The following PTPRK variants were observed in gnomAD, a reference collection of about 807,000 sequenced individuals.
PTPRK encodes receptor-type tyrosine-protein phosphatase kappa.
PTPRK carries 75 observed loss-of-function variants against 178.0 expected under a neutral mutation model. The ratio of observed to expected loss-of-function variants is 0.42; its 90% CI spans 0.35 to 0.51. PTPRK has a LOEUF of 0.51. Ranked by LOEUF, PTPRK falls within the 20% of genes least tolerant of loss-of-function variation. The pLI is 0.02. For synonymous variants in PTPRK, 637 were observed against 620.6 expected, an observed-to-expected ratio of 1.03 and a Z score of -0.39; for missense variants, 1,441 against 1,797.8, an observed-to-expected ratio of 0.80 and a Z score of 3.59.
At chr6:128,173,849 T>G (rs773458810) in intron 7 of PTPRK, among the ~76,000 whole-genome samples, 34 of 152,054 alleles carry the variant, frequency 2.2e-4, no homozygotes, top group Non-Finnish European at 3.8e-4. Flanking sequence ...CTTTCAGTCC[T>G]TTTCTTAAAC....
At chr6:128,014,950 G>C (rs528593543) in intron 13 of PTPRK, among the ~76,000 whole-genome samples, 36 of 151,808 alleles carry the variant, frequency 2.4e-4, no homozygotes, top group Admixed American at 2.1e-3. Context: ...TGCTTTAACA[G>C]TAGTTGGAAA....
At position 127,969,786 on chromosome 6, in the gene PTPRK, G is replaced by A. The variant is rs894215469; in HGVS notation, c.*441C>T. Reference sequence around the variant, plus strand: ...GCTACACTGGAAACATATAAAAAACGAACTTTACTATGAATTTGCACAGCT... The same window carrying A: ...GCTACACTGGAAACATATAAAAAACAAACTTTACTATGAATTTGCACAGCT... On this transcript the variant is annotated 3_prime_UTR_variant, in exon 30 of 30. Transcript: ENST00000368226. 1 of 151,960 alleles carries A rather than the reference G, an allele frequency of 6.6e-6. No individual in the cohort carries two copies. Among genetic ancestry groups the A allele is most frequent in the Non-Finnish European group, 1.5e-5 (1 of 68,042 alleles). The allele number at this position is 151,960 out of a possible 1,614,324, so 9.4% of individuals were successfully genotyped here. A position where few individuals can be genotyped will look rare whatever the true frequency, so the allele number is the denominator to read the frequency against.
At chr6:128,265,491 G>A (rs1358729048) in intron 3 of PTPRK, among the ~76,000 whole-genome samples, 1 of 151,988 alleles carries the variant, frequency 6.6e-6, no homozygotes, top group East Asian at 1.9e-4. Flanking sequence ...ATGAGGTAGG[G>A]GCAATATTAC....
intron 5 of PTPRK, among the ~76,000 whole-genome samples, chr6:128,236,620 T>G (rs1181338041): frequency 1.3e-5 from 2 of 152,128 alleles, no homozygotes; most frequent in East Asian, 3.9e-4. Context: ...GTGCTGGGAT[T>G]ACAGGCGTGA....
At chr6:128,232,922 T>C (rs1812546617) in intron 5 of PTPRK, among the ~76,000 whole-genome samples, 1 of 152,226 alleles carries the variant, frequency 6.6e-6, no homozygotes, top group Non-Finnish European at 1.5e-5. Context: ...GCATGTTACC[T>C]AGCGTGAGCT....
intron 5 of PTPRK, chr6:128,238,093 T>C: frequency 9.0e-6 from 4 of 443,936 alleles, no homozygotes; most frequent in South Asian, 4.9e-5. Context: ...TTTGAATAAA[T>C]TAAGGTGAAT....
chr6:128,024,795 G>C (rs1164576038), intron 13 of PTPRK, among the ~76,000 whole-genome samples: 1 of 152,136 alleles, frequency 6.6e-6, no homozygotes, highest in Non-Finnish European at 1.5e-5. Flanking sequence ...GAGTAACAGA[G>C]CAAGATTCCT....
At chr6:128,180,035 T>TC (rs1395218603) in intron 7 of PTPRK, among the ~76,000 whole-genome samples, 1 of 152,066 alleles carries the variant, frequency 6.6e-6, no homozygotes, top group Admixed American at 6.6e-5. Context: ...TGCATAAATG[T>TC]ATTATGTTCT....
chr6:128,037,322 T>C (rs961123079), intron 13 of PTPRK, among the ~76,000 whole-genome samples: 3 of 152,192 alleles, frequency 2.0e-5, no homozygotes, highest in Non-Finnish European at 4.4e-5. Context: ...CTCCACTTCC[T>C]GCAGAAAAGT....
chr6:128,448,008 A>G (rs1242960435), intron 1 of PTPRK, among the ~76,000 whole-genome samples: 1 of 152,174 alleles, frequency 6.6e-6, no homozygotes, highest in African/African-American at 2.4e-5. Flanking sequence ...TAAACATAAT[A>G]AAATACTCCA....
In PTPRK at chr6:128,253,203, T is replaced by C. The variant is rs141016982; in HGVS notation, c.496-10601A>G. 6.8e-3 allele frequency among the ~76,000 whole-genome samples: 1,036 copies of C among 152,194 alleles called. 13 individuals carry two copies. Among genetic ancestry groups the C allele is most frequent in the African/African-American group, 0.024 (1,003 of 41,522 alleles). On this transcript the variant is annotated intron_variant, in intron 3 of 29. Coordinates refer to ENST00000368226, the MANE Select transcript of PTPRK (RefSeq NM_002844.4). ...GCTCAGTCTAATTTATGTGAGAATA[T>C]GAGTTTAGCAAAAAGAGAGGAAAAA...
chr6:128,018,471 GA>G (rs1214610258), intron 13 of PTPRK, among the ~76,000 whole-genome samples: 1 of 151,400 alleles, frequency 6.6e-6, no homozygotes, highest in Admixed American at 6.6e-5. Context: ...CACTAATAGT[GA>G]ACATTCTTGT....
At chr6:128,252,880 C>T (rs761661162) in intron 3 of PTPRK, among the ~76,000 whole-genome samples, 22 of 152,200 alleles carry the variant, frequency 1.4e-4, no homozygotes, top group Admixed American at 3.9e-4. Flanking sequence ...CACCTTTTAG[C>T]TCTTCTGTGC....
At chr6:127,980,977 A>G in intron 25 of PTPRK, 139 bp downstream of exon 25, 1 of 815,918 alleles carries the variant, frequency 1.2e-6, no homozygotes, top group Middle Eastern at 3.8e-4. Flanking sequence ...CATTTTCCAA[A>G]AAAATGTGTT....
At chr6:128,255,849 G>C (rs1461015683) in intron 3 of PTPRK, among the ~76,000 whole-genome samples, 1 of 152,184 alleles carries the variant, frequency 6.6e-6, no homozygotes, top group African/African-American at 2.4e-5. Context: ...TCTCCAAGCT[G>C]AGCTAAAAGT....
At chr6:128,145,186 G>A (rs573956857) in intron 7 of PTPRK, among the ~76,000 whole-genome samples, 36 of 152,184 alleles carry the variant, frequency 2.4e-4, no homozygotes, top group African/African-American at 8.2e-4. Flanking sequence ...GAAAGCTAGA[G>A]GTGAATTTGT....
At chr6:128,182,559 G>C (rs1426602848) in intron 7 of PTPRK, among the ~76,000 whole-genome samples, 1 of 152,102 alleles carries the variant, frequency 6.6e-6, no homozygotes, top group Non-Finnish European at 1.5e-5. Context: ...GGACAATAGA[G>C]CAAGACAAAA....
intron 13 of PTPRK, among the ~76,000 whole-genome samples, chr6:128,021,113 TA>T (rs1183763533): frequency 6.6e-6 from 1 of 152,226 alleles, no homozygotes; most frequent in Non-Finnish European, 1.5e-5. Flanking sequence ...AATCCTAAAA[TA>T]TTTTTTGGCC....
At chr6:128,237,139 T>C (rs188407435) in intron 5 of PTPRK, among the ~76,000 whole-genome samples, 4 of 152,356 alleles carry the variant, frequency 2.6e-5, no homozygotes, top group Middle Eastern at 3.4e-3. Flanking sequence ...AGAGTTATAG[T>C]ATATCATTTT....
Sources: allele counts gnomAD v4.1 joint callset (sites outside exome capture counted in the v4.1 genomes callset), GRCh38; gene constraint gnomAD v4.1.1; transcripts MANE v1.5; gene names NCBI Gene and HGNC (gene_info 2026-07-23, HGNC 2026-07-21).